SDK1: variants seen among roughly 807,000 people sequenced by gnomAD.
SDK1 encodes sidekick cell adhesion molecule 1.
Under a neutral mutation model 245.5 loss-of-function variants are expected in SDK1, and 157 were observed. The ratio of observed to expected loss-of-function variants is 0.64; its 90% CI spans 0.56 to 0.73. The LOEUF (loss-of-function observed/expected upper bound fraction) is 0.73. SDK1 is among the 30% of genes least tolerant of loss of function. The pLI is 0.00. For synonymous variants in SDK1, 1,647 were observed against 1,278.5 expected, an observed-to-expected ratio of 1.29 and a Z score of -6.15; for missense variants, 3,583 against 3,002.3, an observed-to-expected ratio of 1.19 and a Z score of -4.52.
chr7:4,140,086 C>A (rs1026006405), intron 28 of SDK1, among the ~76,000 whole-genome samples: 1 of 152,158 alleles, frequency 6.6e-6, no homozygotes, highest in Non-Finnish European at 1.5e-5. Context: ...GTCACCACCT[C>A]CCTGGGAGCA....
chr7:3,975,463 CA>C (rs1782848520), intron 13 of SDK1, among the ~76,000 whole-genome samples: 1 of 152,120 alleles, frequency 6.6e-6, no homozygotes, highest in South Asian at 2.1e-4. Flanking sequence ...ATTCTGTATT[CA>C]AAATCATTCC....
At position 3,929,937 on chromosome 7, in the gene SDK1, G is replaced by T. The variant is rs1226320504; in HGVS notation, c.848-20986G>T. On this transcript the variant is annotated intron_variant, in intron 5 of 44. Coordinates refer to ENST00000404826, the MANE Select transcript of SDK1 (RefSeq NM_152744.4). Reference sequence around the variant, plus strand: ...TTTTACCCATGATGGGAGGTGAGGGGAGCCGGCGTGTCACGTTCCTGAAAG... The same window carrying T: ...TTTTACCCATGATGGGAGGTGAGGGTAGCCGGCGTGTCACGTTCCTGAAAG... Among the ~76,000 whole-genome samples, 9 of 151,912 alleles carry T rather than the reference G, an allele frequency of 5.9e-5. No individual in the cohort carries two copies. In the East Asian group the frequency reaches 1.5e-3, roughly 26 times the overall value.
In SDK1 at chr7:4,033,036, G is replaced by A. The variant is rs181080391; in HGVS notation, c.2602+15684G>A. On this transcript the variant is annotated intron_variant, in intron 17 of 44. Coordinates refer to ENST00000404826, the MANE Select transcript of SDK1 (RefSeq NM_152744.4). Reference sequence around the variant, plus strand: ...AACTTCTGAAATAAAAGTAATGAGGGTGGACTAGTCTCCTTTAGGTATTAA... The same window carrying A: ...AACTTCTGAAATAAAAGTAATGAGGATGGACTAGTCTCCTTTAGGTATTAA... Among the ~76,000 whole-genome samples, 16 of 152,260 alleles carry A rather than the reference G, an allele frequency of 1.1e-4. No homozygotes were observed. The East Asian group carries it at 3.1e-3, about 29-fold the overall frequency.
At chr7:4,048,882 A>T (rs1212393878) in intron 17 of SDK1, among the ~76,000 whole-genome samples, 1 of 152,194 alleles carries the variant, frequency 6.6e-6, no homozygotes, top group Non-Finnish European at 1.5e-5. Flanking sequence ...CTCCAACAGC[A>T]TATATGGGAC....
intron 4 of SDK1, among the ~76,000 whole-genome samples, chr7:3,736,784 G>A (rs184860184): frequency 2.0e-5 from 3 of 152,176 alleles, no homozygotes; most frequent in Non-Finnish European, 4.4e-5. Context: ...CCATTCTTGT[G>A]TGTGTCTGAT....
chr7:3,624,072 C>T (rs75895894), intron 2 of SDK1, among the ~76,000 whole-genome samples: 3,520 of 152,168 alleles, frequency 0.023, 141 homozygotes, highest in African/African-American at 0.08. Flanking sequence ...GTGGAAAGTG[C>T]GTAATGAGAT....
intron 1 of SDK1, among the ~76,000 whole-genome samples, chr7:3,324,721 C>T (rs1202205003): frequency 2.0e-5 from 3 of 152,088 alleles, no homozygotes; most frequent in African/African-American, 7.2e-5. Context: ...GAAAAGTCAT[C>T]CTAATGGGTT....
chr7:3,792,085 A>T (rs1391404880), intron 4 of SDK1, among the ~76,000 whole-genome samples: 9 of 152,044 alleles, frequency 5.9e-5, no homozygotes, highest in South Asian at 2.1e-4. Context: ...TTATGAGTGC[A>T]CCACTGCACT....
intron 4 of SDK1, among the ~76,000 whole-genome samples, chr7:3,759,299 G>T (rs1293899697): frequency 1.3e-5 from 2 of 152,144 alleles, no homozygotes; most frequent in Non-Finnish European, 2.9e-5. Flanking sequence ...GTTTAATAGG[G>T]AATGCTCATG....
At chr7:3,965,168 G>A (rs962389361) in intron 9 of SDK1, among the ~76,000 whole-genome samples, 10 of 152,166 alleles carry the variant, frequency 6.6e-5, no homozygotes, top group African/African-American at 2.2e-4. Flanking sequence ...GCGAGTGGCT[G>A]TGTTCCAATA....
intron 14 of SDK1, among the ~76,000 whole-genome samples, chr7:3,990,856 C>T (rs1023238561): frequency 2.6e-5 from 4 of 152,338 alleles, no homozygotes; most frequent in Admixed American, 1.3e-4. Flanking sequence ...GCCTGGCCAG[C>T]GCTCTTCTCA....
chr7:3,762,286 C>G (rs1470417940), intron 4 of SDK1, among the ~76,000 whole-genome samples: 1 of 152,112 alleles, frequency 6.6e-6, no homozygotes. Flanking sequence ...TTTTGGTGGT[C>G]CTGATGATGG....
intron 5 of SDK1, among the ~76,000 whole-genome samples, chr7:3,872,561 A>T (rs1247854873): frequency 6.8e-6 from 1 of 147,468 alleles, no homozygotes; most frequent in Non-Finnish European, 1.5e-5. Flanking sequence ...ATTTATGGTC[A>T]TAGGATTGTT....
chr7:3,356,688 A>G (rs11768500), intron 1 of SDK1, among the ~76,000 whole-genome samples: 93,180 of 152,002 alleles, frequency 0.61, 29,986 homozygotes, highest in African/African-American at 0.83. Context: ...TTGCAAACCC[A>G]ATTTTATTCT....
At chr7:3,640,726 C>G (rs1451748310) in intron 3 of SDK1, among the ~76,000 whole-genome samples, 1 of 151,936 alleles carries the variant, frequency 6.6e-6, no homozygotes, top group Non-Finnish European at 1.5e-5. Flanking sequence ...CTCTGTCACC[C>G]AGGCTGGAGT....
At chr7:3,355,930 A>G (rs565404459) in intron 1 of SDK1, among the ~76,000 whole-genome samples, 9 of 152,172 alleles carry the variant, frequency 5.9e-5, no homozygotes, top group Admixed American at 5.2e-4. Context: ...AAGTTAAATC[A>G]TGTTCCAGCA....
intron 40 of SDK1, among the ~76,000 whole-genome samples, chr7:4,231,439 G>A: frequency 6.6e-6 from 1 of 152,036 alleles, no homozygotes; most frequent in East Asian, 1.9e-4. Context: ...CAGGCGTGGT[G>A]GCGCATGCCT....
intron 1 of SDK1, among the ~76,000 whole-genome samples, chr7:3,554,912 T>A (rs992382332): frequency 6.6e-6 from 1 of 152,108 alleles, no homozygotes; most frequent in African/African-American, 2.4e-5. Context: ...ACTATAAAAC[T>A]TTTTGCAAGA....
intron 1 of SDK1, among the ~76,000 whole-genome samples, chr7:3,401,073 C>G (rs929274844): frequency 6.6e-6 from 1 of 152,116 alleles, no homozygotes; most frequent in Non-Finnish European, 1.5e-5. Flanking sequence ...CCTCATAGCC[C>G]TCAGCTCCGT....
Sources: allele counts gnomAD v4.1 joint callset (sites outside exome capture counted in the v4.1 genomes callset), GRCh38; gene constraint gnomAD v4.1.1; transcripts MANE v1.5; gene names NCBI Gene and HGNC (gene_info 2026-07-23, HGNC 2026-07-21).